Variants in WSB1 observed in about 807,000 individuals in gnomAD.
The protein encoded by WSB1 is WD repeat and SOCS box containing 1.
A neutral mutation model predicts 50.2 loss-of-function variants in WSB1; 23 were observed. The observed-to-expected ratio is 0.46, with a 90% CI of 0.33 to 0.65. The LOEUF (loss-of-function observed/expected upper bound fraction) is 0.65. Ranked by LOEUF, WSB1 falls within the 30% of genes least tolerant of loss-of-function variation. The pLI is 0.02. For synonymous variants in WSB1, 179 were observed against 172.0 expected, an observed-to-expected ratio of 1.04 and a Z score of -0.32; for missense variants, 492 against 522.3, an observed-to-expected ratio of 0.94 and a Z score of 0.56.
intron 1 of WSB1, among the ~76,000 whole-genome samples, chr17:27,300,671 A>G (rs2017187632): frequency 6.6e-6 from 1 of 151,668 alleles, no homozygotes; most frequent in Non-Finnish European, 1.5e-5. Flanking sequence ...GAGAATCACA[A>G]ATATAATGCA....
chr17:27,303,552 A>G lies in WSB1; in HGVS notation c.395A>G (p.His132Arg). 1 of 1,614,180 alleles carries G rather than the reference A, an allele frequency of 6.2e-7. No individual in the cohort carries two copies. Among genetic ancestry groups the G allele is most frequent in the Non-Finnish European group, 8.5e-7 (1 of 1,180,024 alleles). The change falls in exon 3 of 9, where the codon CAT becomes CGT. Residue 132 changes from histidine to arginine, a missense_variant. Coordinates refer to ENST00000262394, the MANE Select transcript of WSB1 (RefSeq NM_015626.10). ...KQSRCVNIEW[H>R]RFRFGQDQLL... ...AGTCGCTGTGTAAATATAGAATGGCATCGCTTCAGATTTGGACAAGATCAG... is the reference window on the plus strand; with the variant it reads ...AGTCGCTGTGTAAATATAGAATGGCGTCGCTTCAGATTTGGACAAGATCAG...
intron 1 of WSB1, among the ~76,000 whole-genome samples, chr17:27,295,592 AAAG>A (rs1233498950): frequency 6.6e-6 from 1 of 150,602 alleles, no homozygotes; most frequent in Non-Finnish European, 1.5e-5. Context: ...CACACAGAAA[AAAG>A]AAAAAAAAAG....
chr17:27,308,424 C>T (rs1181367711), intron 5 of WSB1: 16 of 984,218 alleles, frequency 1.6e-5, no homozygotes, highest in African/African-American at 3.5e-5. Context: ...GACTTATGAT[C>T]GTGGTTAGTT....
chr17:27,301,590 A>G (rs2017230705), intron 1 of WSB1, among the ~76,000 whole-genome samples, 198 bp from the exon 2 acceptor site: 1 of 152,168 alleles, frequency 6.6e-6, no homozygotes, highest in Non-Finnish European at 1.5e-5. Context: ...AAATCACTTT[A>G]TCAAAACTTG....
intron 1 of WSB1, among the ~76,000 whole-genome samples, chr17:27,298,960 T>C (rs2017107927): frequency 6.6e-6 from 1 of 151,900 alleles, no homozygotes; most frequent in Non-Finnish European, 1.5e-5. Flanking sequence ...ACTCAGGAGG[T>C]TGAGGCAGGA....
In WSB1 at chr17:27,311,533, T is replaced by G; in HGVS notation, c.1023T>G (p.Asp341Glu). 1 of 1,605,506 alleles carries G rather than the reference T, an allele frequency of 6.2e-7. No homozygotes were observed. The highest frequency in any genetic ancestry group is 1.3e-5 in the African/African-American group (1 of 74,500). The change falls in exon 8 of 9, where the codon GAT becomes GAG. Residue 341 changes from aspartate (D) to glutamate (E), a missense_variant. Transcript: ENST00000262394. Reference protein sequence around the residue: ...DDKMVRFWRIDEDYPVQVAPL... With the variant: ...DDKMVRFWRIEEDYPVQVAPL... ...GAATGGTGAGGTTCTGGAGAATTGATGAGGATTATCCAGTGCAAGTTGCAC... is the reference window on the plus strand; with the variant it reads ...GAATGGTGAGGTTCTGGAGAATTGAGGAGGATTATCCAGTGCAAGTTGCAC...
intron 5 of WSB1, chr17:27,308,286 A>G: frequency 3.0e-6 from 3 of 986,218 alleles, no homozygotes; most frequent in South Asian, 9.4e-5. Flanking sequence ...CTCACATTTA[A>G]TATAACAGAC....
At chr17:27,307,116 T>G (rs1408845697) in intron 5 of WSB1, 1 of 209,804 alleles carries the variant, frequency 4.8e-6, no homozygotes, top group Non-Finnish European at 9.0e-6. Flanking sequence ...CATATCAGGG[T>G]TTTTTTTTTT....
intron 4 of WSB1, among the ~76,000 whole-genome samples, chr17:27,306,559 G>A (rs1296461551): frequency 6.6e-6 from 1 of 152,184 alleles, no homozygotes; most frequent in Admixed American, 6.5e-5. Flanking sequence ...TTTGAGGCTT[G>A]TGAACCATGC....
At chr17:27,307,060 C>T in intron 5 of WSB1, 178 bp downstream of exon 5, 1 of 614,736 alleles carries the variant, frequency 1.6e-6, no homozygotes. Flanking sequence ...TATTGATTGC[C>T]AAGTGAGAAG....
intron 6 of WSB1, 40 bp downstream of exon 6, chr17:27,309,312 C>T (rs2017578243): frequency 7.0e-7 from 1 of 1,421,254 alleles, no homozygotes; most frequent in Admixed American, 2.2e-5. Flanking sequence ...TAATTCATCT[C>T]CACCTATCAA....
At chr17:27,297,504 A>T (rs372583259) in intron 1 of WSB1, among the ~76,000 whole-genome samples, 1 of 150,198 alleles carries the variant, frequency 6.7e-6, no homozygotes, top group Admixed American at 6.7e-5. Context: ...GTCTTGCTCT[A>T]TCACCCAAGC....
At position 27,294,416 on chromosome 17, in the gene WSB1, G is replaced by T; in HGVS notation, c.21G>T (p.Arg7Ser). 3.1e-6 allele frequency: 5 copies of T among 1,613,894 alleles called. No homozygotes were observed. The highest frequency in any genetic ancestry group is 3.4e-6 in the Non-Finnish European group (4 of 1,179,850). MASFPP[R>S]VNEKEIVRLR... is the part of the protein sequence containing the mutation. The stretch of plus-strand genomic sequence containing the variant: ...CATAGATGGCCAGCTTTCCCCCGAG[G>T]GTCAACGAGAAAGAGATCGGTGAGG... The change falls in exon 1 of 9, where the codon AGG becomes AGT. Residue 7 changes from arginine to serine, a missense_variant. Arg to Ser is a moderately radical substitution (Grantham distance 110, BLOSUM62 -1). Transcript: ENST00000262394.
At position 27,313,183 on chromosome 17, in the gene WSB1, GC is replaced by G. The variant is rs2017754635; in HGVS notation, c.*815del. On this transcript the variant is annotated 3_prime_UTR_variant, in exon 9 of 9. Coordinates refer to ENST00000262394, the MANE Select transcript of WSB1 (RefSeq NM_015626.10). ...TTAGGAATGTCATCCAAGACGTAGAGCTTGAATGTGACGTTATTTAAAAACA... is the reference window on the plus strand; with the variant it reads ...TTAGGAATGTCATCCAAGACGTAGAGTTGAATGTGACGTTATTTAAAAACA... 6.6e-6 allele frequency: 1 copy of G among 152,326 alleles called. No individual in the cohort carries two copies. Among genetic ancestry groups the G allele is most frequent in the Non-Finnish European group, 1.5e-5 (1 of 68,006 alleles). The allele number at this position is 152,326 out of a possible 1,614,324, so 9.4% of individuals were successfully genotyped here. A position where few individuals can be genotyped will look rare whatever the true frequency, so the allele number is the denominator to read the frequency against.
chr17:27,297,512 A>G (rs2017030300), intron 1 of WSB1, among the ~76,000 whole-genome samples: 1 of 151,368 alleles, frequency 6.6e-6, no homozygotes, highest in South Asian at 2.1e-4. Context: ...CTATCACCCA[A>G]GCTGGAGTGC....
intron 1 of WSB1, among the ~76,000 whole-genome samples, chr17:27,296,864 C>T (rs2017002152): frequency 6.6e-6 from 1 of 152,066 alleles, no homozygotes; most frequent in African/African-American, 2.4e-5. Flanking sequence ...AATTTTTTTT[C>T]AAAGCACTTT....
At chr17:27,301,048 T>A (rs561318539) in intron 1 of WSB1, among the ~76,000 whole-genome samples, 2 of 152,196 alleles carry the variant, frequency 1.3e-5, no homozygotes, top group South Asian at 4.1e-4. Context: ...ATTTTTGTAT[T>A]TTTAGTAGAG....
intron 1 of WSB1, among the ~76,000 whole-genome samples, chr17:27,299,475 C>T (rs772228927): frequency 2.0e-5 from 3 of 152,184 alleles, no homozygotes; most frequent in Admixed American, 6.5e-5. Context: ...TGTGCTACTG[C>T]GCTCCAGCCT....
Position 27,314,144 on chromosome 17 carries a change from G to A in WSB1, c.*1775G>A, listed in dbSNP as rs2017787001. 1 of 152,196 alleles carries A rather than the reference G, an allele frequency of 6.6e-6. No homozygotes were observed. The allele number at this position is 152,196 out of a possible 1,614,324, so 9.4% of individuals were successfully genotyped here. ...TGTAGGGTTATCAATTTGAAAGCCA[G>A]TAGAAAATCTGCTCAAGTTACTTCT... On this transcript the variant is annotated 3_prime_UTR_variant, in exon 9 of 9. Transcript: ENST00000262394.
Sources: allele counts gnomAD v4.1 joint callset (sites outside exome capture counted in the v4.1 genomes callset), GRCh38; gene constraint gnomAD v4.1.1; transcripts MANE v1.5; gene names NCBI Gene and HGNC (gene_info 2026-07-23, HGNC 2026-07-21).